The following ADAD1 variants were observed in gnomAD, a reference collection of about 807,000 sequenced individuals.
ADAD1 encodes the protein adenosine deaminase domain-containing protein 1.
Under a neutral mutation model 66.8 loss-of-function variants are expected in ADAD1, and 46 were observed. The ratio of observed to expected loss-of-function variants is 0.69; its 90% CI spans 0.54 to 0.88. The LOEUF is 0.88. Among genes scored for constraint, ADAD1 ranks in the 40% least tolerant of loss-of-function variants. ADAD1 has a pLI of 0.00. For synonymous variants in ADAD1, 248 were observed against 229.4 expected (o/e 1.08, Z -0.73); for missense variants, 617 against 681.8 (o/e 0.91, Z 1.06).
In ADAD1 at chr4:122,387,307, A is replaced by G. The variant is rs1029230030; in HGVS notation, c.529+3341A>G. Reference sequence around the variant, plus strand: ...TTTATTCTCTTTGTAGTGATTGTGAATGGGAGTTTATTCATGCTTTGGCTC... The same window carrying G: ...TTTATTCTCTTTGTAGTGATTGTGAGTGGGAGTTTATTCATGCTTTGGCTC... On this transcript the variant is annotated intron_variant, in intron 5 of 12. Transcript: ENST00000296513. Among the ~76,000 whole-genome samples, 21 of 152,204 alleles carry G rather than the reference A, an allele frequency of 1.4e-4. 1 individual carries two copies. The highest frequency in any genetic ancestry group is 1.3e-3 in the Admixed American group (20 of 15,274).
intron 10 of ADAD1, 132 bp from the exon 11 acceptor site, chr4:122,415,247 G>T: frequency 1.5e-6 from 1 of 673,386 alleles, no homozygotes; most frequent in East Asian, 2.7e-5. Flanking sequence ...TAAGAGAATA[G>T]AACTAGGAAA....
intron 11 of ADAD1, among the ~76,000 whole-genome samples, chr4:122,418,860 T>G (rs1796877050): frequency 1.3e-5 from 2 of 152,262 alleles, no homozygotes; most frequent in East Asian, 1.9e-4. Flanking sequence ...AGAATGGCTA[T>G]TATCAAAAAG....
intron 7 of ADAD1, 84 bp from the exon 8 acceptor site, chr4:122,407,824 A>C: frequency 7.4e-7 from 1 of 1,353,304 alleles, no homozygotes; most frequent in Non-Finnish European, 9.9e-7. Flanking sequence ...CTACTAAATT[A>C]AAAATGATGA....
intron 7 of ADAD1, among the ~76,000 whole-genome samples, chr4:122,404,344 G>A (rs987066803): frequency 4.6e-5 from 7 of 152,120 alleles, no homozygotes; most frequent in Non-Finnish European, 8.8e-5. Context: ...CCATAGGCTG[G>A]GGACTGGGAT....
chr4:122,396,486 C>T (rs778827368), intron 7 of ADAD1, 109 bp downstream of exon 7: 2 of 912,042 alleles, frequency 2.2e-6, no homozygotes, highest in Non-Finnish European at 3.0e-6. Flanking sequence ...TTTGAAGTGA[C>T]TTTTTCTAGT....
At chr4:122,415,287 A>G in intron 10 of ADAD1, 92 bp from the exon 11 acceptor site, 2 of 999,282 alleles carry the variant, frequency 2.0e-6, no homozygotes, top group African/African-American at 1.6e-5. Context: ...GGATAGAGAA[A>G]TGGGCTTTAG....
chr4:122,406,826 G>A (rs1281696004), intron 7 of ADAD1, among the ~76,000 whole-genome samples: 1 of 152,070 alleles, frequency 6.6e-6, no homozygotes, highest in Non-Finnish European at 1.5e-5. Flanking sequence ...TTAAATTTCA[G>A]CTCGTTAGGG....
chr4:122,409,288 CT>C (rs983041848), intron 8 of ADAD1, among the ~76,000 whole-genome samples: 1 of 152,122 alleles, frequency 6.6e-6, no homozygotes, highest in Non-Finnish European at 1.5e-5. Context: ...ATGAGTGCTA[CT>C]TCTCATAATA....
chr4:122,383,894 A>C lies in ADAD1; in HGVS notation c.457A>C (p.Asn153His). ...LGQNKKESRS[N>H]AAKLALDELL... ...ACAAAATAAAAAGGAGTCTAGATCC[A>C]ATGCAGCAAAATTAGCTCTTGATGA... is the stretch of plus-strand genomic sequence containing the variant. Residue 153 changes from asparagine to histidine, a missense_variant, in exon 5 of 13, where the codon AAT becomes CAT. By Grantham distance (68) the Asn-to-His change is moderately conservative. Coordinates refer to ENST00000296513, the MANE Select transcript of ADAD1 (RefSeq NM_139243.4). The C allele has an allele frequency of 1.2e-6, 2 of 1,614,016 alleles. No individual in the cohort carries two copies. Among genetic ancestry groups the C allele is most frequent in the Non-Finnish European group, 1.7e-6 (2 of 1,179,938 alleles).
intron 4 of ADAD1, among the ~76,000 whole-genome samples, chr4:122,382,144 C>G (rs1794929272): frequency 6.6e-6 from 1 of 152,206 alleles, no homozygotes; most frequent in African/African-American, 2.4e-5. Context: ...TAATCTCACA[C>G]TGCTCTTGGA....
intron 7 of ADAD1, among the ~76,000 whole-genome samples, chr4:122,397,243 A>G (rs1350785842): frequency 3.3e-5 from 5 of 152,204 alleles, no homozygotes; most frequent in Non-Finnish European, 7.4e-5. Context: ...GGAGTGGTTT[A>G]AAAACAGGTC....
chr4:122,386,886 A>G (rs1357927197), intron 5 of ADAD1, among the ~76,000 whole-genome samples: 1 of 151,968 alleles, frequency 6.6e-6, no homozygotes, highest in Non-Finnish European at 1.5e-5. Context: ...TTCTGCTCCA[A>G]TGGTCTACAT....
intron 7 of ADAD1, among the ~76,000 whole-genome samples, chr4:122,407,164 A>T (rs567935882): frequency 2.1e-4 from 32 of 152,334 alleles, no homozygotes; most frequent in Non-Finnish European, 4.0e-4. Flanking sequence ...TGTAGAACTG[A>T]ACTTTGTTTG....
chr4:122,398,677 G>A (rs1561540055), intron 7 of ADAD1, among the ~76,000 whole-genome samples: 1 of 152,004 alleles, frequency 6.6e-6, no homozygotes, highest in Non-Finnish European at 1.5e-5. Context: ...AGTCTTGCAG[G>A]AGTAAGGTGG....
At chr4:122,394,961 A>G (rs1731983116) in intron 6 of ADAD1, among the ~76,000 whole-genome samples, 1 of 152,226 alleles carries the variant, frequency 6.6e-6, no homozygotes, top group Admixed American at 6.5e-5. Context: ...TTTGAAGAAG[A>G]AAGATTTGAG....
intron 5 of ADAD1, among the ~76,000 whole-genome samples, chr4:122,392,700 G>C (rs1580751314): frequency 6.6e-6 from 1 of 152,080 alleles, no homozygotes; most frequent in East Asian, 1.9e-4. Context: ...TATCTAAAAA[G>C]TTGAAAGTTT....
intron 7 of ADAD1, among the ~76,000 whole-genome samples, chr4:122,399,973 C>T (rs1255892324): frequency 6.6e-6 from 1 of 152,026 alleles, no homozygotes; most frequent in Non-Finnish European, 1.5e-5. Flanking sequence ...TCCCTCTTTA[C>T]TGATGTGGAC....
intron 5 of ADAD1, among the ~76,000 whole-genome samples, chr4:122,393,362 A>G (rs1795546170): frequency 6.6e-6 from 1 of 152,098 alleles, no homozygotes; most frequent in Non-Finnish European, 1.5e-5. Context: ...AAAGCAAGCA[A>G]TATTGTACTG....
Position 122,381,099 on chromosome 4 carries a change from G to C in ADAD1, c.280G>C (p.Glu94Gln). 2 of 1,606,888 alleles carry C rather than the reference G, an allele frequency of 1.2e-6. No homozygotes were observed. The highest frequency in any genetic ancestry group is 1.7e-6 in the Non-Finnish European group (2 of 1,178,704). The change falls in exon 4 of 13, where the codon GAG (glutamate) becomes CAG (glutamine). Residue 94 changes from glutamate to glutamine, a missense_variant. By Grantham distance (29) the Glu-to-Gln change is conservative (BLOSUM62 2). Coordinates refer to ENST00000296513, the MANE Select transcript of ADAD1 (RefSeq NM_139243.4). The stretch of plus-strand genomic sequence containing the variant: ...ATTTATAATGAAATACAAACGTGGA[G>C]AGATAAATCCTGTGTCAGCCTTGCA... ...KEFIMKYKRG[E>Q]INPVSALHQF...
Sources: allele counts gnomAD v4.1 joint callset (sites outside exome capture counted in the v4.1 genomes callset), GRCh38; gene constraint gnomAD v4.1.1; transcripts MANE v1.5; gene names NCBI Gene and HGNC (gene_info 2026-07-23, HGNC 2026-07-21).